ARFIP1: variants seen among roughly 807,000 people sequenced by gnomAD.
ARFIP1 encodes the protein arfaptin-1.
ARFIP1 carries 24 observed loss-of-function variants against 42.5 expected under a neutral mutation model. That is an observed-to-expected ratio of 0.57 (90% CI 0.41 to 0.80). The LOEUF (loss-of-function observed/expected upper bound fraction) is 0.80. Ranked by LOEUF, ARFIP1 falls within the 30% of genes least tolerant of loss-of-function variation. The pLI, the probability that ARFIP1 is intolerant of heterozygous loss-of-function variation, is 0.00. For synonymous variants in ARFIP1, 141 were observed against 153.7 expected (o/e 0.92, Z 0.61); for missense variants, 354 against 434.0 (o/e 0.82, Z 1.64).
intron 8 of ARFIP1, among the ~76,000 whole-genome samples, chr4:152,905,507 CT>C (rs1738242167): frequency 1.2e-5 from 1 of 85,388 alleles, no homozygotes; most frequent in Non-Finnish European, 2.4e-5. Context: ...TTTTTACCTG[CT>C]TTTTGGTTAG....
In ARFIP1 at chr4:152,863,622, TACC is replaced by T; in HGVS notation, c.112_114del (p.Pro38del). Reference sequence around the variant, plus strand: ...CTTGCTAAGGATTTGAAGCATTCATTACCATCTGGACTTGGTCTCTCAGAAACC... The same window carrying T: ...CTTGCTAAGGATTTGAAGCATTCATTATCTGGACTTGGTCTCTCAGAAACC... On this transcript the variant is annotated inframe_deletion, in exon 3 of 9. Coordinates refer to ENST00000353617, the MANE Select transcript of ARFIP1 (RefSeq NM_001025595.3). The T allele has an allele frequency of 1.9e-6, 3 of 1,599,390 alleles. No homozygotes were observed. In the South Asian group the frequency reaches 3.3e-5, roughly 18 times the overall value.
intron 1 of ARFIP1, among the ~76,000 whole-genome samples, chr4:152,818,649 C>G (rs1730105571): frequency 6.6e-6 from 1 of 152,192 alleles, no homozygotes; most frequent in African/African-American, 2.4e-5. Flanking sequence ...AAACTGGGCA[C>G]TCCTGCTTCC....
rs775099943 is a variant in ARFIP1, at chr4:152,911,176, A to G, written c.*957A>G. On this transcript the variant is annotated 3_prime_UTR_variant, in exon 9 of 9. Coordinates refer to ENST00000353617, the MANE Select transcript of ARFIP1 (RefSeq NM_001025595.3). Reference sequence around the variant, plus strand: ...CTTGTTCAACCAATGTACAAAATCCATAAAGAAACCCCTGTTGGATAATGT... The same window carrying G: ...CTTGTTCAACCAATGTACAAAATCCGTAAAGAAACCCCTGTTGGATAATGT... 1 of 152,680 alleles carries G rather than the reference A, an allele frequency of 6.5e-6. No homozygotes were observed. Among genetic ancestry groups the G allele is most frequent in the Non-Finnish European group, 1.5e-5 (1 of 68,044 alleles). The allele number at this position is 152,680 out of a possible 1,614,324, so 9.5% of individuals were successfully genotyped here. A position where few individuals can be genotyped will look rare whatever the true frequency, so the allele number is the denominator to read the frequency against.
intron 1 of ARFIP1, among the ~76,000 whole-genome samples, chr4:152,805,444 TG>T (rs1410950884): frequency 6.6e-6 from 1 of 152,230 alleles, no homozygotes; most frequent in Non-Finnish European, 1.5e-5. Flanking sequence ...TGCTTAACAC[TG>T]GATTTGGCAG....
At chr4:152,841,922 C>T (rs536143066) in intron 2 of ARFIP1, among the ~76,000 whole-genome samples, 1 of 152,272 alleles carries the variant, frequency 6.6e-6, no homozygotes, top group Admixed American at 6.5e-5. Context: ...ACCCCTACTA[C>T]ACCCCAATTC....
At chr4:152,814,729 A>G (rs1425346513) in intron 1 of ARFIP1, among the ~76,000 whole-genome samples, 1 of 152,164 alleles carries the variant, frequency 6.6e-6, no homozygotes, top group Non-Finnish European at 1.5e-5. Flanking sequence ...AGGTAAAGGT[A>G]AAAGAATAAG....
chr4:152,867,695 A>G (rs1179252349), intron 3 of ARFIP1, among the ~76,000 whole-genome samples: 1 of 152,232 alleles, frequency 6.6e-6, no homozygotes, highest in African/African-American at 2.4e-5. Context: ...ACTGATATAC[A>G]TGAGCATTAA....
At position 152,911,101 on chromosome 4, in the gene ARFIP1, AC is replaced by A. The variant is rs1738814141; in HGVS notation, c.*884del. ...TTTATTGACTTCCATATGTAACAAT[AC>A]CGTTTAAGCCTTAAATCACAGATAT... is the stretch of plus-strand genomic sequence containing the variant. On this transcript the variant is annotated 3_prime_UTR_variant, in exon 9 of 9. Coordinates refer to ENST00000353617, the MANE Select transcript of ARFIP1 (RefSeq NM_001025595.3). The A allele has an allele frequency of 1.3e-5, 2 of 152,628 alleles. No individual in the cohort carries two copies. The highest frequency in any genetic ancestry group is 1.3e-4 in the Admixed American group (2 of 15,276). The allele number at this position is 152,628 out of a possible 1,614,324, so 9.5% of individuals were successfully genotyped here.
At chr4:152,891,252 T>A (rs2149900409) in intron 8 of ARFIP1, among the ~76,000 whole-genome samples, 1 of 152,354 alleles carries the variant, frequency 6.6e-6, no homozygotes, top group East Asian at 1.9e-4. Flanking sequence ...GCATAGATAT[T>A]CTTTGTTTTG....
At chr4:152,851,467 T>C (rs1042684358) in intron 2 of ARFIP1, among the ~76,000 whole-genome samples, 3 of 152,182 alleles carry the variant, frequency 2.0e-5, no homozygotes, top group African/African-American at 7.2e-5. Context: ...GAATGGAGAA[T>C]GTGAGGGCAG....
At chr4:152,825,945 C>T (rs1025455075) in intron 1 of ARFIP1, among the ~76,000 whole-genome samples, 2 of 152,014 alleles carry the variant, frequency 1.3e-5, no homozygotes, top group African/African-American at 4.8e-5. Context: ...CAAATTAAAA[C>T]CACCGTGAGA....
At chr4:152,871,521 A>G (rs977856452) in intron 4 of ARFIP1, among the ~76,000 whole-genome samples, 1 of 151,916 alleles carries the variant, frequency 6.6e-6, no homozygotes, top group African/African-American at 2.4e-5. Context: ...TATTTTATAT[A>G]CCATTCTTGT....
At chr4:152,854,982 G>A (rs72968473) in intron 2 of ARFIP1, among the ~76,000 whole-genome samples, 3 of 152,242 alleles carry the variant, frequency 2.0e-5, no homozygotes, top group African/African-American at 7.2e-5. Flanking sequence ...GGGCCAGGCA[G>A]GTGGGCAGGT....
intron 2 of ARFIP1, among the ~76,000 whole-genome samples, chr4:152,844,758 G>T (rs1732399244): frequency 6.6e-6 from 1 of 152,080 alleles, no homozygotes; most frequent in Non-Finnish European, 1.5e-5. Context: ...TGGTTTGAAA[G>T]AATCAATACC....
At chr4:152,888,098 C>T in intron 7 of ARFIP1, 35 bp from the exon 8 acceptor site, 3 of 1,549,028 alleles carry the variant, frequency 1.9e-6, no homozygotes, top group Non-Finnish European at 2.6e-6. Context: ...CTTTACTGTT[C>T]TTGTAGTATG....
intron 8 of ARFIP1, among the ~76,000 whole-genome samples, chr4:152,889,734 CTATACTATA>C (rs1190048182): frequency 5.9e-5 from 6 of 101,858 alleles, no homozygotes; most frequent in African/African-American, 1.7e-4. Flanking sequence ...ACTATATATA[CTATACTATA>C]TATACTATAT....
intron 2 of ARFIP1, among the ~76,000 whole-genome samples, chr4:152,854,333 T>A (rs567963162): frequency 1.2e-4 from 18 of 152,360 alleles, no homozygotes; most frequent in African/African-American, 3.6e-4. Context: ...TTTTTTATGA[T>A]CTTTATCTCT....
chr4:152,802,960 CTT>C (rs745404650), intron 1 of ARFIP1, among the ~76,000 whole-genome samples: 2 of 152,106 alleles, frequency 1.3e-5, no homozygotes, highest in Non-Finnish European at 2.9e-5. Context: ...AGTACATTGA[CTT>C]TTAAATTTTA....
intron 2 of ARFIP1, among the ~76,000 whole-genome samples, chr4:152,844,459 T>C (rs762328734): frequency 6.6e-5 from 10 of 152,330 alleles, no homozygotes; most frequent in Non-Finnish European, 1.3e-4. Flanking sequence ...AATTTCCTCC[T>C]TTGTGAATTG....
Sources: allele counts gnomAD v4.1 joint callset (sites outside exome capture counted in the v4.1 genomes callset), GRCh38; gene constraint gnomAD v4.1.1; transcripts MANE v1.5; gene names NCBI Gene and HGNC (gene_info 2026-07-23, HGNC 2026-07-21).